Variants in MDGA2 observed in about 807,000 individuals in gnomAD.
MDGA2 encodes MAM domain containing glycosylphosphatidylinositol anchor 2, also known as MAM domain-containing glycosylphosphatidylinositol anchor protein 2.
In MDGA2, 40 loss-of-function variants were observed where a neutral mutation model predicts 117.8. The ratio of observed to expected loss-of-function variants is 0.34; its 90% confidence interval spans 0.26 to 0.44. MDGA2 has a LOEUF of 0.44. Among genes scored for constraint, MDGA2 ranks in the 20% least tolerant of loss-of-function variants. The pLI, the probability that MDGA2 is intolerant of heterozygous loss-of-function variation, is 1.00. For missense variants in MDGA2, 1,123 were observed against 1,250.6 expected (o/e 0.90, Z 1.54); for synonymous variants, 452 against 439.0 (o/e 1.03, Z -0.37).
At chr14:47,220,632 A>G (rs886265121) in intron 2 of MDGA2, among the ~76,000 whole-genome samples, 4 of 152,234 alleles carry the variant, frequency 2.6e-5, no homozygotes, top group Non-Finnish European at 5.9e-5. Flanking sequence ...AACTATTTAT[A>G]GCCCTGGACT....
At chr14:47,007,878 C>A (rs1347821938) in intron 8 of MDGA2, among the ~76,000 whole-genome samples, 2 of 151,692 alleles carry the variant, frequency 1.3e-5, no homozygotes, top group African/African-American at 2.4e-5. Context: ...TTGAGTGGAA[C>A]AAATTCTAAA....
intron 11 of MDGA2, 26 bp downstream of exon 11, chr14:46,882,018 A>G: frequency 7.0e-7 from 1 of 1,436,214 alleles, no homozygotes; most frequent in Non-Finnish European, 9.2e-7. Context: ...ATATAAATAA[A>G]TAATTTTAAA....
intron 1 of MDGA2, among the ~76,000 whole-genome samples, chr14:47,390,562 TCTTA>T (rs1222609668): frequency 1.3e-5 from 2 of 152,214 alleles, no homozygotes; most frequent in African/African-American, 4.8e-5. Context: ...TGTCAAGTTC[TCTTA>T]CTTGAGAACT....
chr14:47,177,213 C>T (rs944925543), intron 3 of MDGA2, among the ~76,000 whole-genome samples: 1 of 152,124 alleles, frequency 6.6e-6, no homozygotes. Context: ...GGACTATAAA[C>T]TAGTTCAACC....
intron 15 of MDGA2, among the ~76,000 whole-genome samples, chr14:46,847,826 C>G (rs539190136): frequency 6.6e-6 from 1 of 152,032 alleles, no homozygotes; most frequent in East Asian, 1.9e-4. Context: ...TTATTTAAAG[C>G]ACATTGTTCT....
intron 1 of MDGA2, among the ~76,000 whole-genome samples, chr14:47,468,714 C>T (rs1383391234): frequency 6.6e-6 from 1 of 151,668 alleles, no homozygotes; most frequent in Non-Finnish European, 1.5e-5. Flanking sequence ...CAAGCTTAAA[C>T]CAGTGAGGAA....
chr14:47,351,078 A>ATTTTT (rs36042383), intron 1 of MDGA2, among the ~76,000 whole-genome samples: 2 of 127,948 alleles, frequency 1.6e-5, no homozygotes, highest in African/African-American at 5.7e-5. Context: ...GGCCCGGCTA[A>ATTTTT]TTTTTTTTTT....
chr14:46,912,311 G>C (rs1021712746), intron 10 of MDGA2, among the ~76,000 whole-genome samples: 5 of 152,022 alleles, frequency 3.3e-5, no homozygotes, highest in Non-Finnish European at 7.4e-5. Context: ...ACAAATACAA[G>C]ATTTTTCTAC....
At chr14:46,998,603 G>A (rs1208712198) in intron 8 of MDGA2, among the ~76,000 whole-genome samples, 2 of 152,052 alleles carry the variant, frequency 1.3e-5, no homozygotes, top group Admixed American at 6.6e-5. Flanking sequence ...CTCGTGGAAA[G>A]TCTGATACTC....
chr14:47,650,302 T>C (rs2138267583), intron 1 of MDGA2, among the ~76,000 whole-genome samples: 1 of 152,304 alleles, frequency 6.6e-6, no homozygotes, highest in East Asian at 1.9e-4. Context: ...TTGGGACTTA[T>C]CAGCCCCCAT....
chr14:47,121,661 T>C (rs1881659311), intron 5 of MDGA2, among the ~76,000 whole-genome samples: 3 of 152,094 alleles, frequency 2.0e-5, no homozygotes, highest in South Asian at 4.1e-4. Context: ...ATTTGCCAGT[T>C]ACTATAAACA....
At chr14:47,301,647 C>T in intron 1 of MDGA2, 97 bp from the exon 2 acceptor site, 1 of 1,281,464 alleles carries the variant, frequency 7.8e-7, no homozygotes, top group South Asian at 1.4e-5. Flanking sequence ...TCTTATTAGA[C>T]TTCACCATAG....
At chr14:46,977,382 T>C (rs1886504645) in intron 8 of MDGA2, among the ~76,000 whole-genome samples, 2 of 151,512 alleles carry the variant, frequency 1.3e-5, no homozygotes, top group African/African-American at 2.4e-5. Context: ...CAAACATTAA[T>C]GCAAGAAAAA....
chr14:47,210,600 A>G (rs1885845014), intron 3 of MDGA2, among the ~76,000 whole-genome samples: 2 of 152,114 alleles, frequency 1.3e-5, no homozygotes, highest in Admixed American at 1.3e-4. Context: ...CCTAGGATAT[A>G]CTCTTTCTTC....
chr14:47,657,341 G>A (rs1897763526), intron 1 of MDGA2, among the ~76,000 whole-genome samples: 1 of 152,144 alleles, frequency 6.6e-6, no homozygotes, highest in South Asian at 2.1e-4. Context: ...TAGTCAGCTT[G>A]CCATCAGCTA....
intron 7 of MDGA2, among the ~76,000 whole-genome samples, chr14:47,059,811 A>T (rs928162686): frequency 5.9e-5 from 9 of 152,104 alleles, no homozygotes; most frequent in South Asian, 2.1e-4. Flanking sequence ...TTAAGTCTAG[A>T]ACATTTATGG....
intron 3 of MDGA2, among the ~76,000 whole-genome samples, chr14:47,177,567 G>A (rs371632135): frequency 1.5e-4 from 23 of 152,158 alleles, no homozygotes; most frequent in East Asian, 3.9e-4. Context: ...ATCAAACACC[G>A]CATGTTCTCA....
intron 1 of MDGA2, among the ~76,000 whole-genome samples, chr14:47,351,902 A>ACAC (rs1890890873): frequency 6.7e-6 from 1 of 148,392 alleles, no homozygotes. Context: ...CTCTAAATTA[A>ACAC]ACACACACAC....
intron 2 of MDGA2, among the ~76,000 whole-genome samples, chr14:47,272,262 C>T (rs1439909818): frequency 1.3e-5 from 2 of 152,026 alleles, no homozygotes; most frequent in Admixed American, 6.6e-5. Flanking sequence ...CACAACCCCA[C>T]GAGGGAGGCA....
Sources: gnomAD v4.1 joint callset for allele counts (sites outside exome capture counted in the v4.1 genomes callset) on GRCh38, gnomAD v4.1.1 for gene constraint, MANE v1.5 for transcripts, NCBI Gene and HGNC (gene_info 2026-07-23, HGNC 2026-07-21) for gene names.